DYNC2H1: variants seen among roughly 807,000 people sequenced by gnomAD.
DYNC2H1 encodes dynein cytoplasmic 2 heavy chain 1, also known as cytoplasmic dynein 2 heavy chain 1.
DYNC2H1 carries 410 observed loss-of-function variants against 570.0 expected under a neutral mutation model. The ratio of observed to expected loss-of-function variants is 0.72; its 90% CI spans 0.66 to 0.78. The LOEUF is 0.78. Among genes scored for constraint, DYNC2H1 ranks in the 30% least tolerant of loss-of-function variants. The probability of loss-of-function intolerance (pLI) is 0.00; values close to 1 mark genes in which losing one functional copy is unlikely to be tolerated. For missense variants in DYNC2H1, 4,865 were observed against 5,046.4 expected (o/e 0.96, Z 1.09); for synonymous variants, 1,688 against 1,677.6 (o/e 1.01, Z -0.15).
chr11:103,362,774 A>T (rs552611729), intron 83 of DYNC2H1, among the ~76,000 whole-genome samples: 48 of 152,204 alleles, frequency 3.2e-4, no homozygotes, highest in Non-Finnish European at 6.2e-4. Context: ...TCACGCCTGT[A>T]ATCCCAGCAC....
At position 103,181,067 on chromosome 11, in the gene DYNC2H1, A is replaced by T. The variant is rs1304070054; in HGVS notation, c.6348-690A>T. On this transcript the variant is annotated intron_variant, in intron 39 of 88. Transcript: ENST00000375735. This position sits in a 1 kb window ranked among gnomAD's most constrained non-coding sequence, Gnocchi z 5.0. ...TATATAAGGTATAATTTTGAATAAG[A>T]TGTGAATCTCTATTATTTCACCAAT... Among the ~76,000 whole-genome samples the T allele has an allele frequency of 6.6e-6, 1 of 151,496 alleles. No individual in the cohort carries two copies. The highest frequency in any genetic ancestry group is 1.5e-5 in the Non-Finnish European group (1 of 67,604).
intron 82 of DYNC2H1, among the ~76,000 whole-genome samples, chr11:103,331,557 T>G (rs1182476466): frequency 6.6e-6 from 1 of 152,134 alleles, no homozygotes; most frequent in Non-Finnish European, 1.5e-5. Flanking sequence ...AGAAAGAAAG[T>G]TATATGCATT....
chr11:103,283,127 T>A, intron 73 of DYNC2H1, 42 bp downstream of exon 73: 1 of 1,492,234 alleles, frequency 6.7e-7, no homozygotes, highest in Non-Finnish European at 9.2e-7. Flanking sequence ...ATTTCTTCTG[T>A]ATTTGCATTG....
chr11:103,120,894 A>G (rs1858670544), intron 8 of DYNC2H1, 31 bp from the exon 9 acceptor site: 2 of 1,305,010 alleles, frequency 1.5e-6, no homozygotes, highest in African/African-American at 1.5e-5. Context: ...ATCCGTTGGG[A>G]TGAACATGTA....
intron 35 of DYNC2H1, 57 bp downstream of exon 35, chr11:103,173,362 G>A: frequency 8.1e-7 from 1 of 1,227,118 alleles, no homozygotes; most frequent in Non-Finnish European, 1.1e-6. Flanking sequence ...ATTGATTTTG[G>A]TTATTAGTGA....
intron 74 of DYNC2H1, among the ~76,000 whole-genome samples, chr11:103,286,789 C>T (rs1166351237): frequency 5.3e-5 from 8 of 152,038 alleles, no homozygotes; most frequent in East Asian, 1.9e-4. Flanking sequence ...TGGCAGGTTC[C>T]GCTCAAACTT....
At chr11:103,117,309 A>G (rs1858459327) in intron 5 of DYNC2H1, among the ~76,000 whole-genome samples, 1 of 148,740 alleles carries the variant, frequency 6.7e-6, no homozygotes, top group South Asian at 2.1e-4. Flanking sequence ...TTTAAGTTCT[A>G]GGGTACATGT....
At chr11:103,123,905 A>T (rs1858853669) in intron 11 of DYNC2H1, among the ~76,000 whole-genome samples, 1 of 152,022 alleles carries the variant, frequency 6.6e-6, no homozygotes, top group South Asian at 2.1e-4. Flanking sequence ...ATGCTGGTAT[A>T]TACAAACTAA....
intron 20 of DYNC2H1, among the ~76,000 whole-genome samples, chr11:103,149,276 A>G (rs1227017592): frequency 6.6e-6 from 1 of 152,208 alleles, no homozygotes; most frequent in African/African-American, 2.4e-5. Context: ...GAGTACACAT[A>G]TACACATACA....
intron 84 of DYNC2H1, among the ~76,000 whole-genome samples, chr11:103,421,061 A>G (rs183318253): frequency 1.3e-5 from 2 of 152,322 alleles, no homozygotes; most frequent in East Asian, 3.9e-4. Flanking sequence ...AAACAGAAAA[A>G]TGCAGGGGTT....
At chr11:103,380,093 T>G (rs1941576737) in intron 83 of DYNC2H1, among the ~76,000 whole-genome samples, 3 of 152,212 alleles carry the variant, frequency 2.0e-5, no homozygotes, top group Admixed American at 2.0e-4. Flanking sequence ...ATAATTACAC[T>G]TTAAAAAAAT....
At chr11:103,352,061 T>C (rs571088183) in intron 82 of DYNC2H1, among the ~76,000 whole-genome samples, 1 of 152,222 alleles carries the variant, frequency 6.6e-6, no homozygotes, top group South Asian at 2.1e-4. Flanking sequence ...CATGGCATCT[T>C]TTAGTATTTT....
At chr11:103,311,424 C>T (rs967875419) in intron 78 of DYNC2H1, among the ~76,000 whole-genome samples, 1 of 152,034 alleles carries the variant, frequency 6.6e-6, no homozygotes, top group African/African-American at 2.4e-5. Context: ...TGGACTAATG[C>T]ATAAGGAACG....
chr11:103,109,682 T>C lies in DYNC2H1; in HGVS notation c.108T>C (p.Cys36=), dbSNP rs1452381527. 5.6e-6 allele frequency: 9 copies of C among 1,613,858 alleles called. No homozygotes were observed. The highest frequency in any genetic ancestry group is 7.6e-6 in the Non-Finnish European group (9 of 1,179,902). Residue 36 remains cysteine, a synonymous_variant, in exon 1 of 89, where the codon TGT becomes TGC. Coordinates refer to ENST00000375735, the MANE Select transcript of DYNC2H1 (RefSeq NM_001377.3). ...GGGATCAGCCACTGTTGTGCAACTG[T>C]CTTGAAATCAACAACTTCTTGGATG... is the stretch of plus-strand genomic sequence containing the variant. The part of the protein sequence containing the change: ...ELWDQPLLCN[C]LEINNFLDDG...
chr11:103,222,244 T>A, intron 58 of DYNC2H1, 91 bp downstream of exon 58: 1 of 876,474 alleles, frequency 1.1e-6, no homozygotes, highest in South Asian at 2.7e-5. Flanking sequence ...GCCAACTGTT[T>A]AGATCACCTA....
intron 39 of DYNC2H1, among the ~76,000 whole-genome samples, chr11:103,180,348 A>G (rs1245919094): frequency 2.0e-5 from 3 of 151,684 alleles, no homozygotes; most frequent in Admixed American, 1.3e-4. Flanking sequence ...TTTGGAAAAT[A>G]CTTTCACATA....
At chr11:103,303,655 A>G (rs1182517047) in intron 76 of DYNC2H1, among the ~76,000 whole-genome samples, 1 of 152,106 alleles carries the variant, frequency 6.6e-6, no homozygotes, top group African/African-American at 2.4e-5. Flanking sequence ...GCTTTCAGAA[A>G]CTGGAAAAAA....
chr11:103,471,127 A>G (rs1945373358), intron 88 of DYNC2H1, among the ~76,000 whole-genome samples: 1 of 152,098 alleles, frequency 6.6e-6, no homozygotes, highest in Admixed American at 6.5e-5. Context: ...GTGAGATGGT[A>G]TCTCATTGTG....
chr11:103,370,220 G>A (rs755899490), intron 83 of DYNC2H1, among the ~76,000 whole-genome samples: 1 of 152,246 alleles, frequency 6.6e-6, no homozygotes, highest in Non-Finnish European at 1.5e-5. Flanking sequence ...CCACGAGTGA[G>A]GCTCCTCTGC....
Sources: allele counts gnomAD v4.1 joint callset (sites outside exome capture counted in the v4.1 genomes callset), GRCh38; gene constraint gnomAD v4.1.1; non-coding constraint Gnocchi (gnomAD v3.1); transcripts MANE v1.5; gene names NCBI Gene and HGNC (gene_info 2026-07-23, HGNC 2026-07-21).